The following HERC1 variants were observed in gnomAD, a reference collection of about 807,000 sequenced individuals.
HERC1 encodes the protein probable E3 ubiquitin-protein ligase HERC1.
A neutral mutation model predicts 554.3 loss-of-function variants in HERC1; 160 were observed. The ratio of observed to expected loss-of-function variants is 0.29; its 90% CI spans 0.25 to 0.33. The LOEUF (loss-of-function observed/expected upper bound fraction) is 0.33. Among genes scored for constraint, HERC1 ranks in the 10% least tolerant of loss-of-function variants. The probability of loss-of-function intolerance (pLI) is 1.00; values close to 1 mark genes in which losing one functional copy is unlikely to be tolerated. For missense variants in HERC1, 4,919 were observed against 5,918.5 expected (o/e 0.83, Z 5.54); for synonymous variants, 2,175 against 2,131.7 (o/e 1.02, Z -0.56).
At chr15:63,651,473 A>C in intron 52 of HERC1, 93 bp from the exon 53 acceptor site, 3 of 1,192,844 alleles carry the variant, frequency 2.5e-6, no homozygotes, top group South Asian at 1.5e-5. Flanking sequence ...CATATAGACT[A>C]GAGTGTATAA....
intron 74 of HERC1, among the ~76,000 whole-genome samples, chr15:63,617,057 C>T (rs1217228111): frequency 1.3e-5 from 2 of 151,562 alleles, no homozygotes; most frequent in Non-Finnish European, 2.9e-5. Flanking sequence ...ATGTGCACAA[C>T]GTGCAGGTTT....
chr15:63,678,874 T>C (rs2071334756), intron 36 of HERC1, among the ~76,000 whole-genome samples: 1 of 152,214 alleles, frequency 6.6e-6, no homozygotes, highest in African/African-American at 2.4e-5. Flanking sequence ...TGGGAAATTA[T>C]TTAATCATTC....
intron 74 of HERC1, among the ~76,000 whole-genome samples, chr15:63,621,093 G>A (rs1595834172): frequency 1.3e-5 from 2 of 152,198 alleles, no homozygotes; most frequent in South Asian, 2.1e-4. Flanking sequence ...TAGCCTCGAT[G>A]GTCTTTACAA....
At chr15:63,728,401 A>C (rs1237819204) in intron 16 of HERC1, among the ~76,000 whole-genome samples, 3 of 152,232 alleles carry the variant, frequency 2.0e-5, no homozygotes, top group Non-Finnish European at 4.4e-5. Flanking sequence ...ATCAGGGCAG[A>C]GAAGGTCATT....
chr15:63,767,653 G>A (rs562590891), intron 2 of HERC1, among the ~76,000 whole-genome samples: 1 of 152,206 alleles, frequency 6.6e-6, no homozygotes, highest in African/African-American at 2.4e-5. Flanking sequence ...AGCCGAGATC[G>A]CCCCACCGCA....
intron 34 of HERC1, 50 bp downstream of exon 34, chr15:63,686,309 A>T: frequency 7.2e-7 from 1 of 1,386,822 alleles, no homozygotes; most frequent in Non-Finnish European, 9.8e-7. Context: ...AACCTGGAAA[A>T]AAAAGGACTA....
chr15:63,829,557 GTGTGTATATATA>G (rs1314501389), intron 1 of HERC1, among the ~76,000 whole-genome samples: 3 of 66,234 alleles, frequency 4.5e-5, no homozygotes, highest in African/African-American at 1.8e-4. Flanking sequence ...GTGTGTGTGT[GTGTGTATATATA>G]TATATATATA....
intron 40 of HERC1, among the ~76,000 whole-genome samples, chr15:63,668,371 T>C (rs898069561): frequency 2.0e-5 from 3 of 152,166 alleles, no homozygotes; most frequent in African/African-American, 7.2e-5. Context: ...CATGCACCTG[T>C]AGTCCCAGCT....
chr15:63,704,756 T>G lies in HERC1; in HGVS notation c.4636+2024A>C, dbSNP rs868613005. Among the ~76,000 whole-genome samples the G allele has an allele frequency of 1.6e-3, 172 of 109,456 alleles. 1 individual carries two copies. In the Middle Eastern group the frequency reaches 0.025, roughly 16 times the overall value. 71.8% of individuals were successfully genotyped at this position (109,456 alleles called of 152,430 possible). On this transcript the variant is annotated intron_variant, in intron 25 of 77. Transcript: ENST00000443617. ...GTAATTTTTTTTTTTTTTTTTTTTT[T>G]GAGATGGAGTCTCGCTCTGTCGCCC... is the stretch of plus-strand genomic sequence containing the variant.
chr15:63,638,776 C>A lies in HERC1; in HGVS notation c.11902G>T (p.Asp3968Tyr). Residue 3968 changes from aspartate (D) to tyrosine (Y), a missense_variant and splice_region_variant, in exon 62 of 78, where the codon GAT becomes TAT. Transcript: ENST00000443617. The part of the protein sequence containing the change: ...VPEDELVFLM[D>Y]NSKWINGMDE... ...ATGCCGTTAATCCATTTACTGTTATCCTGAAAAACAGGGGGTACATAATGA... is the reference window on the plus strand; with the variant it reads ...ATGCCGTTAATCCATTTACTGTTATACTGAAAAACAGGGGGTACATAATGA... The A allele has an allele frequency of 6.2e-7, 1 of 1,612,818 alleles. No individual in the cohort carries two copies. The highest frequency in any genetic ancestry group is 2.2e-5 in the East Asian group (1 of 44,882).
In HERC1 at chr15:63,668,820, G is replaced by A. The variant is rs1200776339; in HGVS notation, c.8206+718C>T. Among the ~76,000 whole-genome samples, 6 of 152,202 alleles carry A rather than the reference G, an allele frequency of 3.9e-5. No homozygotes were observed. In the South Asian group the frequency reaches 6.2e-4, roughly 16 times the overall value. On this transcript the variant is annotated intron_variant, in intron 40 of 77. Transcript: ENST00000443617. Reference sequence around the variant, plus strand: ...GGAAATAGAAAAATCCACTATTATCGTCACAGATTTCAACAACACTCTCTC... The same window carrying A: ...GGAAATAGAAAAATCCACTATTATCATCACAGATTTCAACAACACTCTCTC...
At chr15:63,827,302 G>A (rs1401393120) in intron 1 of HERC1, among the ~76,000 whole-genome samples, 1 of 152,060 alleles carries the variant, frequency 6.6e-6, no homozygotes, top group Non-Finnish European at 1.5e-5. Context: ...CACACTTGTA[G>A]TCCCAGCTAC....
chr15:63,827,036 C>T (rs757510063), intron 1 of HERC1, among the ~76,000 whole-genome samples: 3 of 151,656 alleles, frequency 2.0e-5, no homozygotes, highest in East Asian at 1.9e-4. Context: ...AAATACTACG[C>T]GCAAGGCTAT....
Position 63,718,962 on chromosome 15 carries a change from A to C in HERC1, c.3743-65T>G. 1.8e-6 allele frequency: 2 copies of C among 1,112,916 alleles called. No individual in the cohort carries two copies. 68.9% of individuals were successfully genotyped at this position (1,112,916 alleles called of 1,614,324 possible). A position where few individuals can be genotyped will look rare whatever the true frequency, so the allele number is the denominator to read the frequency against. The stretch of plus-strand genomic sequence containing the variant: ...AGAAAACAGTTCAGAGGTAATTTTT[A>C]TAGCTTTAGTCATCCAACACCTGAA... On this transcript the variant is annotated intron_variant, in intron 19 of 77. Coordinates refer to ENST00000443617, the MANE Select transcript of HERC1 (RefSeq NM_003922.4). This position sits in a 1 kb window ranked among gnomAD's most constrained non-coding sequence, Gnocchi z 4.2.
At chr15:63,812,620 C>A (rs181567479) in intron 1 of HERC1, among the ~76,000 whole-genome samples, 1 of 152,248 alleles carries the variant, frequency 6.6e-6, no homozygotes, top group African/African-American at 2.4e-5. Flanking sequence ...ATAAATCCAT[C>A]CCTGTGGAAC....
At position 63,624,421 on chromosome 15, in the gene HERC1, G is replaced by A. The variant is rs1332765717; in HGVS notation, c.13276-94C>T. Reference sequence around the variant, plus strand: ...ATAGAACATACATTATTTTGGCTGGGCGCAGTGGCTCATGCCTGTAGTCCC... The same window carrying A: ...ATAGAACATACATTATTTTGGCTGGACGCAGTGGCTCATGCCTGTAGTCCC... On this transcript the variant is annotated intron_variant, in intron 71 of 77. Coordinates refer to ENST00000443617, the MANE Select transcript of HERC1 (RefSeq NM_003922.4). 103 of 1,178,256 alleles carry A rather than the reference G, an allele frequency of 8.7e-5. No homozygotes were observed. In the East Asian group the frequency reaches 2.4e-3, roughly 27 times the overall value. The allele number at this position is 1,178,256 out of a possible 1,614,324, so 73.0% of individuals were successfully genotyped here.
rs142936354 is a variant in HERC1 at position 63,744,110 on chromosome 15, C to CTGTGTGTGTGTGTGTGTG, written c.2520+2790_2520+2807dup. On this transcript the variant is annotated intron_variant, in intron 12 of 77. Transcript: ENST00000443617. The stretch of plus-strand genomic sequence containing the variant: ...CTTCCCTTACTTTCTCCCAAACAGA[C>CTGTGTGTGTGTGTGTGTG]TGTGTGTGTGTGTGTGTGTGTGTGT... Among the ~76,000 whole-genome samples, 201 of 93,310 alleles carry CTGTGTGTGTGTGTGTGTG rather than the reference C, an allele frequency of 2.2e-3. 2 individuals are homozygous for CTGTGTGTGTGTGTGTGTG. The highest frequency in any genetic ancestry group is 0.013 in the East Asian group (14 of 1,102). 61.2% of individuals were successfully genotyped at this position (93,310 alleles called of 152,430 possible).
rs765470064 is a variant in HERC1, at chr15:63,633,832, TCAAG to T, written c.12693+12_12693+15del. 6.2e-7 allele frequency: 1 copy of T among 1,610,502 alleles called. No homozygotes were observed. The highest frequency in any genetic ancestry group is 8.5e-7 in the Non-Finnish European group (1 of 1,178,076). On this transcript the variant is annotated intron_variant, in intron 67 of 77. Transcript: ENST00000443617. Reference sequence around the variant, plus strand: ...ATTTATGTTGTCTGAAAACCTAGACTCAAGGCAGTACTGACCTGAGGTGAAGATT... The same window carrying T: ...ATTTATGTTGTCTGAAAACCTAGACTGCAGTACTGACCTGAGGTGAAGATT...
At chr15:63,751,152 T>C (rs1365858318) in intron 8 of HERC1, among the ~76,000 whole-genome samples, 3 of 152,188 alleles carry the variant, frequency 2.0e-5, no homozygotes, top group Middle Eastern at 3.2e-3. Context: ...ATTCGGTCAA[T>C]AGCAGACCAC....
Sources: gnomAD v4.1 joint callset for allele counts (sites outside exome capture counted in the v4.1 genomes callset) on GRCh38, gnomAD v4.1.1 for gene constraint, Gnocchi (gnomAD v3.1) non-coding constraint, MANE v1.5 for transcripts, NCBI Gene and HGNC (gene_info 2026-07-23, HGNC 2026-07-21) for gene names.